Variants in FRMD4B observed in about 807,000 individuals in gnomAD.
The protein encoded by FRMD4B is FERM domain containing 4B, also known as FERM domain-containing protein 4B.
In FRMD4B, 74 loss-of-function variants were observed where a neutral mutation model predicts 141.5. The observed-to-expected ratio is 0.52, with a 90% confidence interval of 0.43 to 0.63. The LOEUF is 0.63. Ranked by LOEUF, FRMD4B falls within the 30% of genes least tolerant of loss-of-function variation. FRMD4B has a pLI of 0.00. For synonymous variants in FRMD4B, 506 were observed against 467.9 expected (o/e 1.08, Z -1.05); for missense variants, 1,366 against 1,253.4 (o/e 1.09, Z -1.36).
At chr3:69,228,705 G>T in intron 7 of FRMD4B, 1 of 320,796 alleles carries the variant, frequency 3.1e-6, no homozygotes. Flanking sequence ...AGGTGTCATG[G>T]CATGTGCCTG....
At chr3:69,230,629 T>C (rs1290399427) in intron 7 of FRMD4B, among the ~76,000 whole-genome samples, 1 of 151,846 alleles carries the variant, frequency 6.6e-6, no homozygotes, top group East Asian at 1.9e-4. Flanking sequence ...GCACCTGTAA[T>C]CCCAGCTACT....
intron 9 of FRMD4B, 141 bp downstream of exon 9, chr3:69,221,717 G>T: frequency 3.1e-6 from 2 of 634,924 alleles, no homozygotes; most frequent in South Asian, 3.5e-5. Flanking sequence ...AATGACCGAA[G>T]ACATTTTCTA....
At chr3:69,324,203 A>G (rs969951003) in intron 1 of FRMD4B, among the ~76,000 whole-genome samples, 1 of 152,132 alleles carries the variant, frequency 6.6e-6, no homozygotes. Context: ...ATATGTGAAC[A>G]CTCAGGGTAC....
chr3:69,243,215 T>C (rs1374520399), intron 7 of FRMD4B, among the ~76,000 whole-genome samples: 2 of 152,158 alleles, frequency 1.3e-5, no homozygotes, highest in Non-Finnish European at 2.9e-5. Context: ...ACTATTTTAA[T>C]TAACTTTCAG....
intron 3 of FRMD4B, among the ~76,000 whole-genome samples, chr3:69,306,195 GC>G (rs1701386821): frequency 6.6e-6 from 1 of 152,122 alleles, no homozygotes; most frequent in Non-Finnish European, 1.5e-5. Context: ...GTTACTTATT[GC>G]TTATAACTTG....
intron 1 of FRMD4B, among the ~76,000 whole-genome samples, chr3:69,384,137 T>C (rs1704192267): frequency 5.9e-5 from 9 of 152,142 alleles, no homozygotes; most frequent in Admixed American, 5.9e-4. Flanking sequence ...AATTATGATA[T>C]GGTATTGGCT....
intron 2 of FRMD4B, among the ~76,000 whole-genome samples, chr3:69,393,961 CTTTAA>C (rs1704432536): frequency 6.6e-6 from 1 of 152,116 alleles, no homozygotes; most frequent in African/African-American, 2.4e-5. Flanking sequence ...TTTTTCAGTC[CTTTAA>C]TTAAGAGACA....
chr3:69,324,995 CT>C (rs1702131613), intron 1 of FRMD4B, among the ~76,000 whole-genome samples: 2 of 151,030 alleles, frequency 1.3e-5, no homozygotes, highest in African/African-American at 4.9e-5. Context: ...AGGAAGATCA[CT>C]TGAGCCCAGG....
chr3:69,247,607 C>A (rs1297546901), intron 7 of FRMD4B, among the ~76,000 whole-genome samples: 2 of 152,140 alleles, frequency 1.3e-5, no homozygotes, highest in Admixed American at 6.5e-5. Flanking sequence ...CTGCCTTAGC[C>A]TCCTGAGTAG....
intron 17 of FRMD4B, among the ~76,000 whole-genome samples, chr3:69,190,542 G>A (rs550412829): frequency 8.0e-4 from 122 of 152,146 alleles, no homozygotes; most frequent in South Asian, 2.3e-3. Context: ...AGCCTCCTGA[G>A]TAGCTGAGAT....
At position 69,309,059 on chromosome 3, in the gene FRMD4B, T is replaced by G. The variant is rs139157223; in HGVS notation, c.323+2204A>C. The stretch of plus-strand genomic sequence containing the variant: ...CATAAAAGCAGGGGCCTTGTCTGTG[T>G]TACTCCTAGCTGAATCCTCGTGATA... On this transcript the variant is annotated intron_variant, in intron 3 of 22. Coordinates refer to ENST00000398540, the MANE Select transcript of FRMD4B (RefSeq NM_015123.3). Among the ~76,000 whole-genome samples, 369 of 152,322 alleles carry G rather than the reference T, an allele frequency of 2.4e-3. 2 individuals carry two copies. Among genetic ancestry groups the G allele is most frequent in the African/African-American group, 8.4e-3 (348 of 41,572 alleles).
chr3:69,416,846 C>G (rs1704875107), intron 2 of FRMD4B, among the ~76,000 whole-genome samples: 1 of 152,134 alleles, frequency 6.6e-6, no homozygotes, highest in African/African-American at 2.4e-5. Context: ...ATGATGTTTT[C>G]CAGCTTCATC....
intron 1 of FRMD4B, among the ~76,000 whole-genome samples, chr3:69,486,374 C>T (rs75061343): frequency 2.6e-5 from 4 of 152,178 alleles, no homozygotes; most frequent in African/African-American, 9.7e-5. Flanking sequence ...GCCCCTCTCC[C>T]ACTCCTCCCT....
At chr3:69,350,968 C>A (rs1277404716) in intron 1 of FRMD4B, among the ~76,000 whole-genome samples, 2 of 151,848 alleles carry the variant, frequency 1.3e-5, no homozygotes, top group African/African-American at 4.8e-5. Context: ...TACTCTAGAA[C>A]TTAAAGTATA....
At chr3:69,430,349 C>T (rs529530675) in intron 2 of FRMD4B, among the ~76,000 whole-genome samples, 2 of 152,210 alleles carry the variant, frequency 1.3e-5, no homozygotes, top group East Asian at 1.9e-4. Context: ...ATGGGCAAGG[C>T]CTATTTAGGC....
intron 1 of FRMD4B, among the ~76,000 whole-genome samples, chr3:69,458,215 T>C (rs1249677876): frequency 1.3e-5 from 2 of 152,182 alleles, no homozygotes; most frequent in Non-Finnish European, 2.9e-5. Flanking sequence ...CAAATAGAGC[T>C]CATTAGCTTC....
At chr3:69,451,258 C>A (rs1705494418) in intron 1 of FRMD4B, among the ~76,000 whole-genome samples, 1 of 147,546 alleles carries the variant, frequency 6.8e-6, no homozygotes, top group Admixed American at 6.8e-5. Flanking sequence ...TCTTTTCTTC[C>A]TATCCTGCAC....
intron 1 of FRMD4B, among the ~76,000 whole-genome samples, chr3:69,365,691 C>T (rs1310425823): frequency 2.0e-5 from 3 of 151,990 alleles, no homozygotes; most frequent in South Asian, 4.2e-4. Context: ...ACAGACGGGG[C>T]TTCACCATGT....
At chr3:69,193,014 T>C (rs1349116038) in intron 17 of FRMD4B, among the ~76,000 whole-genome samples, 1 of 150,868 alleles carries the variant, frequency 6.6e-6, no homozygotes, top group Non-Finnish European at 1.5e-5. Flanking sequence ...AGAGACGGGG[T>C]TTCACCACGC....
Sources: allele counts gnomAD v4.1 joint callset (sites outside exome capture counted in the v4.1 genomes callset), GRCh38; gene constraint gnomAD v4.1.1; transcripts MANE v1.5; gene names NCBI Gene and HGNC (gene_info 2026-07-23, HGNC 2026-07-21).